Variants in SIMC1 observed in about 807,000 individuals in gnomAD.
SIMC1 encodes the protein SUMO interacting motifs containing 1.
SIMC1 carries 55 observed loss-of-function variants against 82.3 expected under a neutral mutation model. The observed-to-expected ratio is 0.67, with a 90% CI of 0.54 to 0.84. The LOEUF is 0.84. Ranked by LOEUF, SIMC1 falls within the 40% of genes least tolerant of loss-of-function variation. SIMC1 has a pLI of 0.00. For synonymous variants in SIMC1, 353 were observed against 426.3 expected (o/e 0.83, Z 2.12); for missense variants, 915 against 1,107.2 (o/e 0.83, Z 2.46).
chr5:176,297,528 C>T (rs1018074848), intron 4 of SIMC1, among the ~76,000 whole-genome samples: 11 of 109,310 alleles, frequency 1.0e-4, no homozygotes, highest in Non-Finnish European at 1.9e-4. Context: ...AAAAAAAAAA[C>T]GTTGAATGAA....
At chr5:176,264,892 G>A (rs1762140033) in intron 1 of SIMC1, among the ~76,000 whole-genome samples, 2 of 152,174 alleles carry the variant, frequency 1.3e-5, no homozygotes, top group South Asian at 4.1e-4. Context: ...AAATAGGCCA[G>A]GCATGGTGGC....
intron 4 of SIMC1, among the ~76,000 whole-genome samples, chr5:176,307,481 A>G (rs1038150890): frequency 3.3e-5 from 5 of 152,088 alleles, no homozygotes; most frequent in African/African-American, 4.8e-5. Flanking sequence ...GCTCACTTCA[A>G]GCTCTGCCTC....
Position 176,295,181 on chromosome 5 carries a change from T to A in SIMC1, c.1583T>A (p.Ile528Asn). The A allele has an allele frequency of 6.2e-7, 1 of 1,613,488 alleles. No individual in the cohort carries two copies. Among genetic ancestry groups the A allele is most frequent in the Non-Finnish European group, 8.5e-7 (1 of 1,179,660 alleles). ...CCACCAAGAGAAATCGTGGCTCACA[T>A]CATCCAGAAAATCTTGCTCAGTGGC... ...HYPPREIVAH[I>N]IQKILLSGSE... is the part of the protein sequence containing the mutation. The change falls in exon 3 of 10, where the codon ATC becomes AAC. Residue 528 changes from isoleucine to asparagine, a missense_variant. Physicochemically the swap from Ile to Asn is moderately radical, Grantham distance 149. Coordinates refer to ENST00000429602, the MANE Select transcript of SIMC1 (RefSeq NM_001308195.2).
intron 4 of SIMC1, chr5:176,308,289 C>G: frequency 6.8e-7 from 1 of 1,461,616 alleles, no homozygotes; most frequent in Non-Finnish European, 9.6e-7. Context: ...CACATTCGTT[C>G]TGTCATCATC....
chr5:176,317,033 CCT>C, intron 5 of SIMC1, among the ~76,000 whole-genome samples: 1 of 152,196 alleles, frequency 6.6e-6, no homozygotes, highest in South Asian at 2.1e-4. Context: ...GTGTTTGTGA[CCT>C]CTAAATCTAG....
intron 5 of SIMC1, among the ~76,000 whole-genome samples, chr5:176,314,531 G>C (rs1476923070): frequency 6.6e-6 from 1 of 152,144 alleles, no homozygotes; most frequent in East Asian, 1.9e-4. Flanking sequence ...AATCTCATTT[G>C]TCACTACTAG....
At chr5:176,255,445 T>A (rs1296324905) in intron 1 of SIMC1, among the ~76,000 whole-genome samples, 1 of 151,766 alleles carries the variant, frequency 6.6e-6, no homozygotes. Flanking sequence ...GAGCTGGGTG[T>A]AGTGGCGCAC....
At chr5:176,311,357 C>G (rs868574237) in intron 4 of SIMC1, among the ~76,000 whole-genome samples, 2 of 152,126 alleles carry the variant, frequency 1.3e-5, no homozygotes, top group African/African-American at 4.8e-5. Flanking sequence ...CCTGCCTCAG[C>G]CTCCTAAGTA....
Position 176,336,650 on chromosome 5 carries a change from G to C in SIMC1, c.2172-70G>C. On this transcript the variant is annotated intron_variant, in intron 7 of 9. Transcript: ENST00000429602. Reference sequence around the variant, plus strand: ...TTAGGACAAATGTTGTACATTCAGGGTGAATTGTGGCTCATGTTCTTTGAA... The same window carrying C: ...TTAGGACAAATGTTGTACATTCAGGCTGAATTGTGGCTCATGTTCTTTGAA... 4 of 1,567,378 alleles carry C rather than the reference G, an allele frequency of 2.6e-6. No homozygotes were observed. In the East Asian group the frequency reaches 9.0e-5, roughly 35 times the overall value.
At chr5:176,304,920 G>C (rs1222639356) in intron 4 of SIMC1, among the ~76,000 whole-genome samples, 1 of 128,838 alleles carries the variant, frequency 7.8e-6, no homozygotes, top group Non-Finnish European at 1.7e-5. Context: ...CGGCCGCCCC[G>C]TCTGAGAAGT....
intron 1 of SIMC1, among the ~76,000 whole-genome samples, chr5:176,258,388 G>A (rs897860603): frequency 2.7e-5 from 4 of 150,432 alleles, no homozygotes; most frequent in African/African-American, 9.7e-5. Context: ...GTTTACCACC[G>A]CTTGTCTCCA....
chr5:176,294,893 A>T (rs72645800), intron 2 of SIMC1, 137 bp from the exon 3 acceptor site: 180,448 of 1,214,644 alleles, frequency 0.15, 13,944 homozygotes, highest in Middle Eastern at 0.18. Flanking sequence ...TGAACTCGGG[A>T]GGCAGAGCTT....
At chr5:176,310,736 T>C (rs1230951960) in intron 4 of SIMC1, among the ~76,000 whole-genome samples, 1 of 152,196 alleles carries the variant, frequency 6.6e-6, no homozygotes, top group Non-Finnish European at 1.5e-5. Flanking sequence ...ATGATGATTA[T>C]GATGTTGATT....
At chr5:176,320,207 C>T (rs571552982) in intron 5 of SIMC1, among the ~76,000 whole-genome samples, 4 of 152,222 alleles carry the variant, frequency 2.6e-5, no homozygotes, top group South Asian at 2.1e-4. Flanking sequence ...GCTTCTAAGC[C>T]GTGCCTGGTA....
At chr5:176,279,383 G>GC (rs1213221723) in intron 1 of SIMC1, among the ~76,000 whole-genome samples, 1 of 151,730 alleles carries the variant, frequency 6.6e-6, no homozygotes, top group Non-Finnish European at 1.5e-5. Context: ...TATTAGTCTT[G>GC]CTAGCGGTCT....
intron 5 of SIMC1, among the ~76,000 whole-genome samples, chr5:176,316,004 A>G (rs1007510464): frequency 4.0e-5 from 6 of 151,782 alleles, no homozygotes; most frequent in Non-Finnish European, 5.9e-5. Context: ...GTGAAACCCT[A>G]TCTCTACTAA....
intron 4 of SIMC1, among the ~76,000 whole-genome samples, chr5:176,299,341 T>C (rs1299825283): frequency 6.6e-6 from 1 of 151,422 alleles, no homozygotes; most frequent in Non-Finnish European, 1.5e-5. Flanking sequence ...TGCAGTAGGC[T>C]ATCATAGTGC....
At chr5:176,308,989 G>T in intron 4 of SIMC1, 1 of 859,274 alleles carries the variant, frequency 1.2e-6, no homozygotes, top group South Asian at 1.3e-5. Flanking sequence ...AAGAGCTTAT[G>T]CAAGAACTTT....
At chr5:176,248,373 T>A (rs1319686299) in intron 1 of SIMC1, among the ~76,000 whole-genome samples, 1 of 152,162 alleles carries the variant, frequency 6.6e-6, no homozygotes, top group African/African-American at 2.4e-5. Context: ...GTAGCAATTA[T>A]GAATGGGAGC....
Sources: allele counts gnomAD v4.1 joint callset (sites outside exome capture counted in the v4.1 genomes callset), GRCh38; gene constraint gnomAD v4.1.1; transcripts MANE v1.5; gene names NCBI Gene and HGNC (gene_info 2026-07-23, HGNC 2026-07-21).